UMAD1: variants seen among roughly 807,000 people sequenced by gnomAD.
UMAD1 encodes UBAP1-MVB12-associated (UMA) domain containing 1.
UMAD1 carries 8 observed loss-of-function variants against 6.1 expected under a neutral mutation model. That is an observed-to-expected ratio of 1.30 (90% CI 0.76 to 2.35). The LOEUF is 2.35. UMAD1 is among the 30% of genes most tolerant of loss of function. The pLI is 0.00. For missense variants in UMAD1, 130 were observed against 78.4 expected (o/e 1.66, Z -2.49); for synonymous variants, 56 against 31.4 (o/e 1.78, Z -2.61).
At chr7:7,867,591 G>A (rs1013779172) in intron 3 of UMAD1, among the ~76,000 whole-genome samples, 2 of 152,164 alleles carry the variant, frequency 1.3e-5, no homozygotes, top group Non-Finnish European at 2.9e-5. Flanking sequence ...TCTGAATTTA[G>A]CAAGAGAGTG....
chr7:7,719,205 C>T (rs903133256), intron 2 of UMAD1, among the ~76,000 whole-genome samples: 1 of 152,102 alleles, frequency 6.6e-6, no homozygotes, highest in Admixed American at 6.5e-5. Flanking sequence ...ATATGATCAG[C>T]AAGCTTTAGG....
At chr7:7,818,710 A>C (rs1030461998) in intron 3 of UMAD1, among the ~76,000 whole-genome samples, 1 of 152,214 alleles carries the variant, frequency 6.6e-6, no homozygotes, top group Non-Finnish European at 1.5e-5. Context: ...ACACGTGCAC[A>C]CTTATGTTCA....
intron 3 of UMAD1, among the ~76,000 whole-genome samples, chr7:7,809,652 C>T (rs958618649): frequency 6.6e-6 from 1 of 151,816 alleles, no homozygotes; most frequent in African/African-American, 2.4e-5. Context: ...CTTATTCTTC[C>T]TGTCTTACTG....
chr7:7,671,028 C>T (rs771684224), intron 1 of UMAD1, among the ~76,000 whole-genome samples: 10 of 152,120 alleles, frequency 6.6e-5, no homozygotes, highest in Non-Finnish European at 1.2e-4. Context: ...GGGCACTGGG[C>T]CTCCTTGGGG....
At chr7:7,693,860 G>A (rs1480998987) in intron 2 of UMAD1, among the ~76,000 whole-genome samples, 1 of 152,018 alleles carries the variant, frequency 6.6e-6, no homozygotes, top group Non-Finnish European at 1.5e-5. Context: ...TTTTTCCTCT[G>A]TGGTGGGTTT....
intron 2 of UMAD1, among the ~76,000 whole-genome samples, chr7:7,782,777 C>T (rs1420156014): frequency 6.7e-6 from 1 of 148,666 alleles, no homozygotes. Context: ...CTTTCTGTCA[C>T]CCAGGTTGGA....
At chr7:7,858,296 C>T (rs971305711) in intron 3 of UMAD1, among the ~76,000 whole-genome samples, 7 of 152,096 alleles carry the variant, frequency 4.6e-5, no homozygotes, top group Non-Finnish European at 7.4e-5. Flanking sequence ...TATCAGGGCT[C>T]GTATTTTAAA....
At chr7:7,867,953 G>T (rs1023549755) in intron 3 of UMAD1, among the ~76,000 whole-genome samples, 3 of 152,036 alleles carry the variant, frequency 2.0e-5, no homozygotes, top group African/African-American at 7.2e-5. Context: ...TTTGTTGGGG[G>T]GTAGAGCAGA....
chr7:7,851,861 A>T (rs991694901), intron 3 of UMAD1, among the ~76,000 whole-genome samples: 3 of 152,016 alleles, frequency 2.0e-5, no homozygotes, highest in African/African-American at 7.3e-5. Context: ...ATGTCCTTTG[A>T]AGCATAGAAG....
chr7:7,656,416 A>G (rs1223092705), intron 1 of UMAD1, among the ~76,000 whole-genome samples: 1 of 152,132 alleles, frequency 6.6e-6, no homozygotes, highest in Admixed American at 6.5e-5. Flanking sequence ...TGCTGCATCC[A>G]TCAATCTGTC....
At chr7:7,675,742 C>A (rs1266283466) in intron 2 of UMAD1, among the ~76,000 whole-genome samples, 1 of 152,174 alleles carries the variant, frequency 6.6e-6, no homozygotes, top group Non-Finnish European at 1.5e-5. Flanking sequence ...AGCAGTTGAA[C>A]AGTCATGGTG....
chr7:7,666,187 TG>T (rs869154694), intron 1 of UMAD1, among the ~76,000 whole-genome samples: 2 of 25,468 alleles, frequency 7.9e-5, no homozygotes, highest in Non-Finnish European at 1.0e-4. Context: ...AAGTGTTTTT[TG>T]TTTGTTTGTT....
rs536746132 is a variant in UMAD1, at chr7:7,813,313, T to G, written c.156+11570T>G. ...TCCACCTCCTGAGTTCAGGCGATTC[T>G]CCTGCCTCAACCTCCCAAGTAGCTG... On this transcript the variant is annotated intron_variant, in intron 3 of 3. Coordinates refer to ENST00000682710, the MANE Select transcript of UMAD1 (RefSeq NM_001302348.2). Among the ~76,000 whole-genome samples the G allele has an allele frequency of 2.3e-3, 348 of 152,306 alleles. 1 individual carries two copies. Among genetic ancestry groups the G allele is most frequent in the African/African-American group, 8.1e-3 (338 of 41,580 alleles).
At chr7:7,822,820 C>T (rs973271754) in intron 3 of UMAD1, among the ~76,000 whole-genome samples, 5 of 151,380 alleles carry the variant, frequency 3.3e-5, no homozygotes, top group African/African-American at 4.9e-5. Context: ...TCTATGAAGA[C>T]GAAAAACTTT....
At chr7:7,688,812 C>T (rs1780100583) in intron 2 of UMAD1, among the ~76,000 whole-genome samples, 1 of 152,088 alleles carries the variant, frequency 6.6e-6, no homozygotes, top group African/African-American at 2.4e-5. Context: ...AAAGCTGATC[C>T]TCAGTCTGTA....
chr7:7,665,775 T>G (rs1459856699), intron 1 of UMAD1, among the ~76,000 whole-genome samples: 2 of 152,130 alleles, frequency 1.3e-5, no homozygotes, highest in African/African-American at 4.8e-5. Context: ...CTTATATAAA[T>G]GGAATCATAT....
chr7:7,784,417 G>C (rs1481144730), intron 2 of UMAD1, among the ~76,000 whole-genome samples: 1 of 150,382 alleles, frequency 6.6e-6, no homozygotes, highest in Non-Finnish European at 1.5e-5. Context: ...CTCACTGCAA[G>C]CTCCGCCTCC....
Position 7,695,151 on chromosome 7 carries a change from C to T in UMAD1, c.82+21698C>T, listed in dbSNP as rs1293918457. ...TCTGATGATCAGTAATGTTGAGCAC[C>T]TTTTCATATACCTGTTTGCCATTTG... On this transcript the variant is annotated intron_variant, in intron 2 of 3. Coordinates refer to ENST00000682710, the MANE Select transcript of UMAD1 (RefSeq NM_001302348.2). Among the ~76,000 whole-genome samples, 3 of 152,116 alleles carry T rather than the reference C, an allele frequency of 2.0e-5. No individual in the cohort carries two copies. In the South Asian group the frequency reaches 6.2e-4, roughly 32 times the overall value.
intron 2 of UMAD1, among the ~76,000 whole-genome samples, chr7:7,680,157 G>C (rs575292255): frequency 1.1e-4 from 16 of 152,174 alleles, no homozygotes; most frequent in African/African-American, 3.4e-4. Flanking sequence ...CTTTCTTCTA[G>C]TAGTTTCGTA....
Sources: gnomAD v4.1 joint callset for allele counts (sites outside exome capture counted in the v4.1 genomes callset) on GRCh38, gnomAD v4.1.1 for gene constraint, MANE v1.5 for transcripts, NCBI Gene and HGNC (gene_info 2026-07-23, HGNC 2026-07-21) for gene names.